ZC3H13: variants seen among roughly 807,000 people sequenced by gnomAD.
ZC3H13 encodes zinc finger CCCH domain-containing protein 13.
Under a neutral mutation model 204.1 loss-of-function variants are expected in ZC3H13, and 64 were observed. That is an observed-to-expected ratio of 0.31 (90% CI 0.26 to 0.39). The LOEUF (loss-of-function observed/expected upper bound fraction) is 0.39, where lower values mean the gene tolerates loss of function less well. Ranked by LOEUF, ZC3H13 falls within the 10% of genes least tolerant of loss-of-function variation. ZC3H13 has a pLI of 1.00. For missense variants in ZC3H13, 1,833 were observed against 2,082.7 expected (o/e 0.88, Z 2.33); for synonymous variants, 667 against 693.7 (o/e 0.96, Z 0.60).
intron 15 of ZC3H13, 92 bp downstream of exon 15, chr13:45,967,412 T>C (rs1183719595): frequency 7.0e-7 from 1 of 1,432,826 alleles, no homozygotes; most frequent in Non-Finnish European, 9.3e-7. Context: ...AATTTGCCCA[T>C]TAGTGGGTGC....
chr13:46,050,516 A>G (rs1345625742), intron 1 of ZC3H13, among the ~76,000 whole-genome samples: 1 of 152,184 alleles, frequency 6.6e-6, no homozygotes, highest in Non-Finnish European at 1.5e-5. Flanking sequence ...AACTACATGA[A>G]TGTACTAACT....
At chr13:45,998,521 C>T (rs566796669) in intron 8 of ZC3H13, among the ~76,000 whole-genome samples, 6 of 151,532 alleles carry the variant, frequency 4.0e-5, no homozygotes, top group Non-Finnish European at 7.4e-5. Flanking sequence ...TGGTGGTGGG[C>T]GCCTGTAGTC....
chr13:45,981,888 G>A (rs1457126458), intron 10 of ZC3H13, among the ~76,000 whole-genome samples: 1 of 128,736 alleles, frequency 7.8e-6, no homozygotes, highest in Admixed American at 8.1e-5. Flanking sequence ...GGAGGGGGGA[G>A]GGATAGCATT....
intron 8 of ZC3H13, among the ~76,000 whole-genome samples, chr13:45,996,804 T>C (rs1448032381): frequency 6.7e-6 from 1 of 149,482 alleles, no homozygotes; most frequent in Non-Finnish European, 1.5e-5. Flanking sequence ...TGAAAGTTCT[T>C]AAGAAGAAAA....
chr13:46,029,293 A>T (rs1566323135), intron 4 of ZC3H13, among the ~76,000 whole-genome samples: 1 of 152,238 alleles, frequency 6.6e-6, no homozygotes, highest in South Asian at 2.1e-4. Context: ...TATTTTAAAA[A>T]TTGAATCAAT....
intron 1 of ZC3H13, among the ~76,000 whole-genome samples, chr13:46,048,921 G>C (rs908416966): frequency 5.9e-5 from 9 of 152,152 alleles, no homozygotes; most frequent in African/African-American, 1.9e-4. Context: ...ACGAGGTCAA[G>C]AGATTGAGAC....
chr13:46,030,208 G>GA (rs1237376222), intron 4 of ZC3H13, among the ~76,000 whole-genome samples: 3 of 152,136 alleles, frequency 2.0e-5, no homozygotes, highest in African/African-American at 7.2e-5. Context: ...TGGTAAATTA[G>GA]AAACAGCGGC....
rs1225526340 is a variant in ZC3H13 at position 45,975,478 on chromosome 13, C to T, written c.2273G>A (p.Arg758Lys). ...TCTCTCCCGTTCTCGCTCTCTCTCC[C>T]TCTCTCTCTCTTCTCTTTCTCGTTC... ...EREREREERE[R>K]ERERERERER... Residue 758 changes from arginine (R) to lysine (K), a missense_variant, in exon 12 of 19, where the codon AGG (arginine) becomes AAG (lysine). Around this residue, in one of 5 missense-constraint regions of ZC3H13, gnomAD observed 1,574 missense variants for 1,757.2 expected, o/e 0.90. Coordinates refer to ENST00000679008, the MANE Select transcript of ZC3H13 (RefSeq NM_001330564.2). 6.2e-7 allele frequency: 1 copy of T among 1,611,738 alleles called. No homozygotes were observed. The highest frequency in any genetic ancestry group is 1.3e-5 in the African/African-American group (1 of 74,826).
chr13:45,978,447 G>A (rs1953254868), intron 11 of ZC3H13, among the ~76,000 whole-genome samples: 1 of 152,042 alleles, frequency 6.6e-6, no homozygotes, highest in Non-Finnish European at 1.5e-5. Context: ...GAAGACCTGA[G>A]TTTGAATTCC....
intron 17 of ZC3H13, chr13:45,962,604 A>G (rs994689819): frequency 1.0e-6 from 1 of 984,792 alleles, no homozygotes; most frequent in African/African-American, 1.7e-5. Context: ...TGTATTTTGT[A>G]CATGTATACT....
chr13:46,010,377 T>C lies in ZC3H13; in HGVS notation c.717A>G (p.Ala239=), dbSNP rs761321825. ...SASKKDRKTS[A]VSSPLLDQQR... is the part of the protein sequence containing the mutation. ...GCTGGTCCAACAGGGGAGAAGATAC[T>C]GCAGATGTCTTCCTATCTTTCTTGC... Residue 239 remains alanine (A), a synonymous_variant, in exon 7 of 19, where the codon GCA becomes GCG. Coordinates refer to ENST00000679008, the MANE Select transcript of ZC3H13 (RefSeq NM_001330564.2). The C allele has an allele frequency of 1.4e-4, 219 of 1,613,688 alleles. 1 individual carries two copies. Among genetic ancestry groups the C allele is most frequent in the Non-Finnish European group, 1.8e-4 (214 of 1,179,716 alleles).
In ZC3H13 at chr13:45,968,028, T is replaced by C. The variant is rs754714086; in HGVS notation, c.3797A>G (p.Asp1266Gly). ...RGEPSRSTSSDRQDSRSHSSR... is the reference protein window; with the variant it reads ...RGEPSRSTSSGRQDSRSHSSR... ...ACTATGGCTTCTTGAATCCTGGCGA[T>C]CTAAAATAAATATACCATATATAAA... Residue 1266 changes from aspartate to glycine, a missense_variant and splice_region_variant, in exon 15 of 19, where the codon GAT becomes GGT. By Grantham distance (94) the Asp-to-Gly change is moderately conservative (BLOSUM62 -1). Coordinates refer to ENST00000679008, the MANE Select transcript of ZC3H13 (RefSeq NM_001330564.2). 6.3e-7 allele frequency: 1 copy of C among 1,578,254 alleles called. No homozygotes were observed.
At chr13:46,045,735 T>A (rs2043906226) in intron 1 of ZC3H13, among the ~76,000 whole-genome samples, 1 of 152,112 alleles carries the variant, frequency 6.6e-6, no homozygotes, top group Non-Finnish European at 1.5e-5. Context: ...AGCTGTGAGA[T>A]CTGTTGGCTA....
At chr13:46,045,255 T>C (rs952837168) in intron 2 of ZC3H13, 136 bp downstream of exon 2, 12 of 1,011,612 alleles carry the variant, frequency 1.2e-5, no homozygotes, top group Non-Finnish European at 1.6e-5. Context: ...CACTTCTTTT[T>C]ATAAAACACA....
chr13:46,042,579 G>A (rs929381021), intron 3 of ZC3H13, among the ~76,000 whole-genome samples: 2 of 152,040 alleles, frequency 1.3e-5, no homozygotes, highest in African/African-American at 2.4e-5. Context: ...CTGAGAAAAA[G>A]GAACTAATAG....
rs777816405 is a variant in ZC3H13, at chr13:45,975,723, A to C, written c.2028T>G (p.Ala676=). The C allele has an allele frequency of 3.1e-6, 5 of 1,612,168 alleles. No homozygotes were observed. The highest frequency in any genetic ancestry group is 1.7e-5 in the Admixed American group (1 of 59,826). The change falls in exon 12 of 19, where the codon GCT becomes GCG. Residue 676 remains alanine (A), a synonymous_variant. Coordinates refer to ENST00000679008, the MANE Select transcript of ZC3H13 (RefSeq NM_001330564.2). ...GTTCTCGTTCCCGATCTCTCTCTCT[A>C]GCCCTTTCATCTCTCCTATCATCCA... ...DRVDDRRDER[A]RERDRERERD...
Position 45,968,114 on chromosome 13 carries a change from T to C in ZC3H13, c.3797-86A>G, listed in dbSNP as rs1361937942. ...CTTCATTTCAAGGTCCTTTAAAACA[T>C]AATTTACCTTTTTCCATATTCTATG... On this transcript the variant is annotated intron_variant, in intron 14 of 18. Transcript: ENST00000679008. The C allele has an allele frequency of 3.6e-6, 5 of 1,370,310 alleles. No homozygotes were observed. The East Asian group carries it at 7.0e-5, about 19-fold the overall frequency. The allele number at this position is 1,370,310 out of a possible 1,614,324, so 84.9% of individuals were successfully genotyped here.
At chr13:46,000,353 G>A (rs773790464) in intron 8 of ZC3H13, among the ~76,000 whole-genome samples, 13 of 152,122 alleles carry the variant, frequency 8.5e-5, no homozygotes, top group South Asian at 2.1e-4. Flanking sequence ...TAGATCTTCC[G>A]GATAACTTGC....
At chr13:46,030,178 C>T (rs914428942) in intron 4 of ZC3H13, among the ~76,000 whole-genome samples, 1 of 59,686 alleles carries the variant, frequency 1.7e-5, no homozygotes, top group Admixed American at 1.6e-4. Flanking sequence ...AAGTCCAACA[C>T]TCAGACTAAT....
Sources: gnomAD v4.1 joint callset for allele counts (sites outside exome capture counted in the v4.1 genomes callset) on GRCh38, gnomAD v4.1.1 for gene constraint, gnomAD v4.1.1 regional missense constraint, MANE v1.5 for transcripts, NCBI Gene and HGNC (gene_info 2026-07-23, HGNC 2026-07-21) for gene names.